The following NAALADL2 variants were observed in gnomAD, a reference collection of about 807,000 sequenced individuals.
NAALADL2 encodes the protein N-acetylated alpha-linked acidic dipeptidase like 2.
In NAALADL2, 76 loss-of-function variants were observed where a neutral mutation model predicts 87.2. The ratio of observed to expected loss-of-function variants is 0.87; its 90% CI spans 0.72 to 1.05. The LOEUF is 1.05. Ranked by LOEUF, NAALADL2 falls within the 50% of genes least tolerant of loss-of-function variation. The pLI, the probability that NAALADL2 is intolerant of heterozygous loss-of-function variation, is 0.00. For synonymous variants in NAALADL2, 354 were observed against 331.0 expected, an observed-to-expected ratio of 1.07 and a Z score of -0.75; for missense variants, 1,089 against 945.8, an observed-to-expected ratio of 1.15 and a Z score of -1.99.
intron 10 of NAALADL2, among the ~76,000 whole-genome samples, chr3:175,603,488 A>G (rs1288074036): frequency 5.3e-5 from 8 of 152,090 alleles, no homozygotes; most frequent in African/African-American, 1.9e-4. Context: ...TTCTCCCTCC[A>G]GGCCCTGACA....
At chr3:175,246,929 C>G (rs1176470909) in intron 3 of NAALADL2, among the ~76,000 whole-genome samples, 1 of 152,056 alleles carries the variant, frequency 6.6e-6, no homozygotes, top group Non-Finnish European at 1.5e-5. Context: ...GATTGTTTTG[C>G]CTTTGCCAGC....
intron 1 of NAALADL2, among the ~76,000 whole-genome samples, chr3:174,995,611 A>G (rs1327234052): frequency 6.6e-6 from 1 of 152,186 alleles, no homozygotes; most frequent in Non-Finnish European, 1.5e-5. Context: ...ACAACAGGTA[A>G]TGAGTAACGG....
intron 1 of NAALADL2, among the ~76,000 whole-genome samples, chr3:175,089,800 C>A (rs1719737679): frequency 6.6e-6 from 1 of 152,082 alleles, no homozygotes; most frequent in African/African-American, 2.4e-5. Context: ...AGACTGACAG[C>A]CTTATATATT....
chr3:175,477,747 G>A (rs908879049), intron 9 of NAALADL2, among the ~76,000 whole-genome samples: 1 of 152,118 alleles, frequency 6.6e-6, no homozygotes, highest in African/African-American at 2.4e-5. Flanking sequence ...CAGTCCATGT[G>A]TTGCTCTGGG....
At chr3:175,201,803 A>G (rs1740079899) in intron 2 of NAALADL2, among the ~76,000 whole-genome samples, 1 of 152,060 alleles carries the variant, frequency 6.6e-6, no homozygotes, top group Non-Finnish European at 1.5e-5. Context: ...GAAAAAAAAA[A>G]AAAACAAATT....
intron 1 of NAALADL2, among the ~76,000 whole-genome samples, chr3:174,906,423 T>C (rs1732964802): frequency 6.6e-6 from 1 of 152,102 alleles, no homozygotes; most frequent in Non-Finnish European, 1.5e-5. Flanking sequence ...ACTTCTGAGA[T>C]TAAGTTTTGA....
chr3:174,716,169 A>G (rs1013561714), intron 2 of NAALADL2, among the ~76,000 whole-genome samples: 1 of 152,094 alleles, frequency 6.6e-6, no homozygotes, highest in Non-Finnish European at 1.5e-5. Flanking sequence ...ATCATCCTCT[A>G]TTGGGAAAGA....
intron 5 of NAALADL2, among the ~76,000 whole-genome samples, chr3:175,427,806 ATTTAC>A (rs146572384): frequency 0.71 from 107,396 of 151,306 alleles, 38,854 homozygotes; most frequent in Middle Eastern, 0.8. Context: ...AAGTAATTCA[ATTTAC>A]TTTCATCCAT....
At chr3:175,598,242 A>T (rs79217231) in intron 10 of NAALADL2, among the ~76,000 whole-genome samples, 1 of 151,958 alleles carries the variant, frequency 6.6e-6, no homozygotes, top group African/African-American at 2.4e-5. Context: ...CTAGATAGGA[A>T]ATTACATACA....
chr3:174,541,541 A>G (rs929732476), intron 1 of NAALADL2, among the ~76,000 whole-genome samples: 1 of 152,218 alleles, frequency 6.6e-6, no homozygotes, highest in Non-Finnish European at 1.5e-5. Flanking sequence ...ATCATTCAAC[A>G]TATTCTAAGT....
At chr3:175,204,462 T>G (rs963985878) in intron 2 of NAALADL2, among the ~76,000 whole-genome samples, 23 of 152,138 alleles carry the variant, frequency 1.5e-4, no homozygotes, top group African/African-American at 5.6e-4. Flanking sequence ...AATCCATCTA[T>G]GACAAACCCA....
intron 5 of NAALADL2, among the ~76,000 whole-genome samples, chr3:175,415,801 CT>C (rs1714519067): frequency 6.6e-6 from 1 of 151,244 alleles, no homozygotes; most frequent in African/African-American, 2.4e-5. Context: ...CCAGAAACAA[CT>C]TTTTTATACA....
In NAALADL2 at chr3:175,324,245, CTG is replaced by C; in HGVS notation, c.1013_1014del (p.Val338GlufsTer3). On this transcript the variant is annotated frameshift_variant, in exon 5 of 14. Transcript: ENST00000454872. LOFTEE classifies it high-confidence loss of function. ...ATCGATCCTTGTGATTTGCCAAAGA[CTG>C]TGAATCCTAGCCATGATACCTTCAT... 1 of 1,613,598 alleles carries C rather than the reference CTG, an allele frequency of 6.2e-7. No homozygotes were observed. The highest frequency in any genetic ancestry group is 8.5e-7 in the Non-Finnish European group (1 of 1,179,646).
At chr3:175,748,688 C>T (rs533083066) in intron 12 of NAALADL2, among the ~76,000 whole-genome samples, 41 of 152,112 alleles carry the variant, frequency 2.7e-4, no homozygotes, top group African/African-American at 8.4e-4. Flanking sequence ...AAATTGAATA[C>T]GCCTTTAAAA....
intron 1 of NAALADL2, among the ~76,000 whole-genome samples, chr3:174,500,018 T>C (rs1483075160): frequency 6.6e-6 from 1 of 152,102 alleles, no homozygotes; most frequent in Non-Finnish European, 1.5e-5. Context: ...TTGGGGAGAA[T>C]TGTCATTTTA....
At chr3:175,073,107 G>T (rs1026229637) in intron 1 of NAALADL2, among the ~76,000 whole-genome samples, 1 of 151,980 alleles carries the variant, frequency 6.6e-6, no homozygotes, top group Admixed American at 6.6e-5. Context: ...ACTCAGTGAT[G>T]TTTTAAAATA....
chr3:174,478,170 A>G (rs1402154377), intron 1 of NAALADL2, among the ~76,000 whole-genome samples: 1 of 152,136 alleles, frequency 6.6e-6, no homozygotes, highest in Non-Finnish European at 1.5e-5. Flanking sequence ...GTTTTTAGAA[A>G]CTTACGACTG....
At chr3:175,047,329 G>T (rs182821353) in intron 1 of NAALADL2, among the ~76,000 whole-genome samples, 4 of 152,244 alleles carry the variant, frequency 2.6e-5, no homozygotes, top group African/African-American at 9.6e-5. Flanking sequence ...CAAAAAACAT[G>T]TATTTCCCAT....
intron 1 of NAALADL2, among the ~76,000 whole-genome samples, chr3:174,502,494 A>T (rs1160037509): frequency 1.3e-5 from 2 of 152,204 alleles, no homozygotes; most frequent in Non-Finnish European, 2.9e-5. Flanking sequence ...GCATTATGAC[A>T]CACATTATTT....
Sources: allele counts gnomAD v4.1 joint callset (sites outside exome capture counted in the v4.1 genomes callset), GRCh38; gene constraint gnomAD v4.1.1; transcripts MANE v1.5; gene names NCBI Gene and HGNC (gene_info 2026-07-23, HGNC 2026-07-21).